The following FAM120A variants were observed in gnomAD, a reference collection of about 807,000 sequenced individuals.
FAM120A encodes the protein family with sequence similarity 120 member A.
In FAM120A, 15 loss-of-function variants were observed where a neutral mutation model predicts 109.7. The ratio of observed to expected loss-of-function variants is 0.14; its 90% CI spans 0.09 to 0.21. FAM120A has a LOEUF of 0.21. Ranked by LOEUF, FAM120A falls within the 10% of genes least tolerant of loss-of-function variation. FAM120A has a pLI of 1.00. For synonymous variants in FAM120A, 493 were observed against 572.8 expected, an observed-to-expected ratio of 0.86 and a Z score of 1.99; for missense variants, 899 against 1,439.3, an observed-to-expected ratio of 0.62 and a Z score of 6.07.
At chr9:93,558,898 C>G (rs143509914) in intron 15 of FAM120A, among the ~76,000 whole-genome samples, 180 bp downstream of exon 15, 2 of 152,298 alleles carry the variant, frequency 1.3e-5, no homozygotes, top group East Asian at 3.9e-4. Context: ...GCTCTCAGGT[C>G]TCAGCAGCGG....
At chr9:93,511,260 G>C (rs996048960) in intron 5 of FAM120A, among the ~76,000 whole-genome samples, 3 of 152,168 alleles carry the variant, frequency 2.0e-5, no homozygotes, top group Admixed American at 1.3e-4. Flanking sequence ...GCCTCCTTCT[G>C]TCACCAGGCC....
rs186781831 is a variant in FAM120A, at chr9:93,523,428, A to G, written c.1419-3727A>G. On this transcript the variant is annotated intron_variant, in intron 7 of 17. Transcript: ENST00000277165. ...CTGTAGGTTTTTCTTTCAGATTGTT[A>G]TGCTCTTGTTCCAGACAGATATCCA... is the stretch of plus-strand genomic sequence containing the variant. 30 of 711,228 alleles carry G rather than the reference A, an allele frequency of 4.2e-5. No individual in the cohort carries two copies. The African/African-American group carries it at 5.4e-4, about 13-fold the overall frequency. The allele number at this position is 711,228 out of a possible 1,614,324, so 44.1% of individuals were successfully genotyped here. A position where few individuals can be genotyped will look rare whatever the true frequency, so the allele number is the denominator to read the frequency against.
chr9:93,536,182 G>A (rs192622364), intron 10 of FAM120A, among the ~76,000 whole-genome samples: 1 of 152,290 alleles, frequency 6.6e-6, no homozygotes, highest in Admixed American at 6.5e-5. Context: ...CTAATCTATG[G>A]CCACTCTTGG....
intron 5 of FAM120A, among the ~76,000 whole-genome samples, chr9:93,507,392 A>G (rs753456260): frequency 3.3e-5 from 5 of 152,140 alleles, no homozygotes; most frequent in Non-Finnish European, 5.9e-5. Flanking sequence ...TGGTTGGAGG[A>G]AGAGCAGATT....
intron 3 of FAM120A, among the ~76,000 whole-genome samples, chr9:93,484,572 TTTA>T (rs1187662150): frequency 1.3e-5 from 2 of 152,016 alleles, no homozygotes; most frequent in African/African-American, 4.8e-5. Context: ...CTAACTGTGC[TTTA>T]TTATTATTAT....
intron 1 of FAM120A, among the ~76,000 whole-genome samples, chr9:93,469,199 C>T (rs907271827): frequency 6.6e-6 from 1 of 152,180 alleles, no homozygotes; most frequent in African/African-American, 2.4e-5. Context: ...TGTTCACCAC[C>T]CTGTGAAGCT....
At chr9:93,462,435 C>A (rs1160499402) in intron 1 of FAM120A, among the ~76,000 whole-genome samples, 1 of 152,166 alleles carries the variant, frequency 6.6e-6, no homozygotes, top group African/African-American at 2.4e-5. Flanking sequence ...GCGCCTGCCA[C>A]CACACCCAGC....
intron 3 of FAM120A, among the ~76,000 whole-genome samples, chr9:93,478,817 G>A (rs969816473): frequency 5.9e-5 from 9 of 152,244 alleles, no homozygotes; most frequent in South Asian, 2.1e-4. Context: ...TTTGTATGCA[G>A]CACCATTTCA....
chr9:93,519,262 A>T (rs1463325401), intron 7 of FAM120A, among the ~76,000 whole-genome samples: 1 of 152,096 alleles, frequency 6.6e-6, no homozygotes, highest in East Asian at 1.9e-4. Flanking sequence ...TTTTTTTGAG[A>T]TGGAATTTTA....
chr9:93,494,664 C>G (rs1164246727), intron 3 of FAM120A, among the ~76,000 whole-genome samples: 1 of 152,212 alleles, frequency 6.6e-6, no homozygotes, highest in East Asian at 1.9e-4. Flanking sequence ...CCCAGAAGAT[C>G]TTCCCCATCA....
At chr9:93,551,692 G>C (rs549766209) in intron 12 of FAM120A, among the ~76,000 whole-genome samples, 1 of 152,142 alleles carries the variant, frequency 6.6e-6, no homozygotes, top group African/African-American at 2.4e-5. Flanking sequence ...TAAATTTCTA[G>C]TTTTCCCTAA....
At chr9:93,527,277 G>T in intron 8 of FAM120A, 35 bp downstream of exon 8, 2 of 1,506,826 alleles carry the variant, frequency 1.3e-6, no homozygotes, top group South Asian at 2.3e-5. Context: ...TTTGAGTTCT[G>T]ACTCATTTTG....
chr9:93,547,934 A>G (rs1365799067), intron 11 of FAM120A, among the ~76,000 whole-genome samples: 1 of 152,100 alleles, frequency 6.6e-6, no homozygotes, highest in Non-Finnish European at 1.5e-5. Flanking sequence ...AGAAGGGTCT[A>G]AACACTATCT....
chr9:93,529,662 T>C (rs891898916), intron 9 of FAM120A, 82 bp downstream of exon 9: 35 of 1,236,954 alleles, frequency 2.8e-5, no homozygotes, highest in Non-Finnish European at 3.4e-5. Flanking sequence ...TTTGTCCTTT[T>C]TTGAACCATT....
intron 3 of FAM120A, among the ~76,000 whole-genome samples, chr9:93,479,742 C>T (rs1858714557): frequency 6.6e-6 from 1 of 152,216 alleles, no homozygotes; most frequent in Non-Finnish European, 1.5e-5. Context: ...TTAGACTCAT[C>T]TTTTAAACAT....
intron 1 of FAM120A, among the ~76,000 whole-genome samples, chr9:93,468,339 C>T (rs1054888521): frequency 2.6e-5 from 4 of 152,228 alleles, no homozygotes; most frequent in Admixed American, 6.5e-5. Context: ...TGCTTGCTGG[C>T]TGCCAGCACC....
intron 12 of FAM120A, 63 bp from the exon 13 acceptor site, chr9:93,556,307 GTTTTACTAAGAC>G (rs1862279501): frequency 1.6e-6 from 2 of 1,279,596 alleles, no homozygotes; most frequent in Non-Finnish European, 2.3e-6. Context: ...ACTTTGGAGA[GTTTTACTAAGAC>G]TTTGAAAGAA....
At position 93,498,534 on chromosome 9, in the gene FAM120A, G is replaced by C. The variant is rs557392724; in HGVS notation, c.934-256G>C. On this transcript the variant is annotated intron_variant, in intron 4 of 17. Coordinates refer to ENST00000277165, the MANE Select transcript of FAM120A (RefSeq NM_014612.5). This position sits in a 1 kb window ranked among gnomAD's most constrained non-coding sequence, Gnocchi z 4.4. Reference sequence around the variant, plus strand: ...CAGAGTGGAAGTCAGGGAAGTCCTAGAGCTAGAACCCAGGGCCCTGACTAC... The same window carrying C: ...CAGAGTGGAAGTCAGGGAAGTCCTACAGCTAGAACCCAGGGCCCTGACTAC... Among the ~76,000 whole-genome samples the C allele has an allele frequency of 3.9e-4, 59 of 152,372 alleles. No homozygotes were observed. Among genetic ancestry groups the C allele is most frequent in the African/African-American group, 1.4e-3 (57 of 41,578 alleles).
chr9:93,476,271 C>A lies in FAM120A; in HGVS notation c.737C>A (p.Pro246His). ...TATATTCCAGGAAATCACATTCTGC[C>A]TGATGAAGATCTGGCTTCCTTTCAC... ...FAALLGNHIL[P>H]DEDLASFHWS... Residue 246 changes from proline to histidine, a missense_variant, in exon 3 of 18, where the codon CCT (proline) becomes CAT (histidine). Around this residue, in one of 11 missense-constraint regions of FAM120A, gnomAD observed 258 missense variants for 451.4 expected, o/e 0.57. Coordinates refer to ENST00000277165, the MANE Select transcript of FAM120A (RefSeq NM_014612.5). 6.2e-7 allele frequency: 1 copy of A among 1,606,116 alleles called. No homozygotes were observed. The highest frequency in any genetic ancestry group is 8.5e-7 in the Non-Finnish European group (1 of 1,173,086).
Sources: allele counts gnomAD v4.1 joint callset (sites outside exome capture counted in the v4.1 genomes callset), GRCh38; gene constraint gnomAD v4.1.1; regional missense constraint gnomAD v4.1.1; non-coding constraint Gnocchi (gnomAD v3.1); transcripts MANE v1.5; gene names NCBI Gene and HGNC (gene_info 2026-07-23, HGNC 2026-07-21).